Variants in LGR6 observed in about 807,000 individuals in gnomAD.
The protein encoded by LGR6 is leucine-rich repeat-containing G protein-coupled receptor 6.
In LGR6, 45 loss-of-function variants were observed where a neutral mutation model predicts 69.4. The observed-to-expected ratio is 0.65, with a 90% confidence interval of 0.51 to 0.83. The LOEUF (loss-of-function observed/expected upper bound fraction) is 0.83, where lower values mean the gene tolerates loss of function less well. LGR6 is among the 40% of genes least tolerant of loss of function. The pLI is 0.00. For missense variants in LGR6, 1,108 were observed against 1,246.7 expected (o/e 0.89, Z 1.68); for synonymous variants, 538 against 555.0 (o/e 0.97, Z 0.43).
intron 1 of LGR6, among the ~76,000 whole-genome samples, chr1:202,201,414 C>G (rs1658830845): frequency 6.6e-6 from 1 of 152,206 alleles, no homozygotes; most frequent in East Asian, 1.9e-4. Flanking sequence ...GAAGTGCGCT[C>G]AAGCACTTTA....
At chr1:202,204,617 CCTCCTTCAA>C (rs1659011123) in intron 1 of LGR6, among the ~76,000 whole-genome samples, 1 of 49,104 alleles carries the variant, frequency 2.0e-5, no homozygotes, top group African/African-American at 8.3e-5. Context: ...CAAACACACA[CCTCCTTCAA>C]ACACACACAC....
At chr1:202,272,764 C>G (rs1665209349) in intron 4 of LGR6, among the ~76,000 whole-genome samples, 1 of 152,264 alleles carries the variant, frequency 6.6e-6, no homozygotes, top group Admixed American at 6.5e-5. Context: ...ATGTGGCCAG[C>G]AAACGTGTGT....
chr1:202,302,562 T>C (rs1460608900), intron 9 of LGR6, among the ~76,000 whole-genome samples: 1 of 152,172 alleles, frequency 6.6e-6, no homozygotes, highest in Non-Finnish European at 1.5e-5. Context: ...CTTTTTTCTT[T>C]TTTAGACAGG....
chr1:202,307,834 G>C (rs75937868), intron 14 of LGR6, among the ~76,000 whole-genome samples: 3 of 152,200 alleles, frequency 2.0e-5, no homozygotes, highest in Non-Finnish European at 4.4e-5. Context: ...TGAGGCAGCA[G>C]GGGACCTCAG....
rs998726485 is a variant in LGR6 at position 202,261,040 on chromosome 1, T to C, written c.429-15266T>C. Among the ~76,000 whole-genome samples, 8 of 151,922 alleles carry C rather than the reference T, an allele frequency of 5.3e-5. No homozygotes were observed. The East Asian group carries it at 5.8e-4, about 11-fold the overall frequency. ...GTTTGCTTGGGATACAATAAACATC[T>C]TAAATCTACACTATTCTTTCAGCTC... On this transcript the variant is annotated intron_variant, in intron 4 of 17. Coordinates refer to ENST00000367278, the MANE Select transcript of LGR6 (RefSeq NM_001017403.2).
chr1:202,318,396 G>A lies in LGR6; in HGVS notation c.2093G>A (p.Gly698Glu), dbSNP rs772626430. ...AGVLGCLALA[G>E]LAAALPLASV... ...GTCCTAGGCTGCCTGGCACTGGCAGGGCTGGCCGCCGCGCTGCCCCTGGCC... is the reference window on the plus strand; with the variant it reads ...GTCCTAGGCTGCCTGGCACTGGCAGAGCTGGCCGCCGCGCTGCCCCTGGCC... The change falls in exon 18 of 18, where the codon GGG becomes GAG. Residue 698 changes from glycine to glutamate, a missense_variant. Coordinates refer to ENST00000367278, the MANE Select transcript of LGR6 (RefSeq NM_001017403.2). The A allele has an allele frequency of 4.8e-5, 77 of 1,604,516 alleles. No homozygotes were observed. Among genetic ancestry groups the A allele is most frequent in the Non-Finnish European group, 6.2e-5 (73 of 1,175,824 alleles).
At chr1:202,225,598 T>C in intron 2 of LGR6, 104 bp downstream of exon 2, 1 of 1,004,440 alleles carries the variant, frequency 1.0e-6, no homozygotes, top group Middle Eastern at 2.3e-4. Context: ...GAAAGGGGCT[T>C]GGGAAGCTAA....
At chr1:202,277,084 A>G (rs961959439) in intron 5 of LGR6, among the ~76,000 whole-genome samples, 3 of 152,210 alleles carry the variant, frequency 2.0e-5, no homozygotes, top group African/African-American at 7.2e-5. Flanking sequence ...TTAGAGGGCA[A>G]ATTAGCTCCC....
chr1:202,302,887 T>G (rs574700631), intron 9 of LGR6, among the ~76,000 whole-genome samples: 1 of 152,216 alleles, frequency 6.6e-6, no homozygotes, highest in Non-Finnish European at 1.5e-5. Context: ...AGATGACAAT[T>G]TAGGGGTGAC....
intron 12 of LGR6, 194 bp from the exon 13 acceptor site, chr1:202,306,674 C>A: frequency 1.5e-6 from 1 of 647,738 alleles, no homozygotes; most frequent in Non-Finnish European, 2.8e-6. Flanking sequence ...GGCTTTGTCT[C>A]CTGACCCACT....
chr1:202,204,639 CCAAA>C (rs1268520201), intron 1 of LGR6, among the ~76,000 whole-genome samples: 149 of 92,912 alleles, frequency 1.6e-3, no homozygotes, highest in African/African-American at 5.6e-3. Context: ...ACACACACCT[CCAAA>C]CACACACACA....
intron 9 of LGR6, among the ~76,000 whole-genome samples, chr1:202,302,821 A>G (rs1667705586): frequency 6.6e-6 from 1 of 152,174 alleles, no homozygotes; most frequent in Non-Finnish European, 1.5e-5. Context: ...TGCTGGGATT[A>G]CAGGTGTGAG....
At chr1:202,243,480 T>A (rs1436783939) in intron 4 of LGR6, among the ~76,000 whole-genome samples, 4 of 152,148 alleles carry the variant, frequency 2.6e-5, no homozygotes, top group Admixed American at 2.6e-4. Flanking sequence ...TGAAGAGCAT[T>A]AAGACATTTC....
In LGR6 at chr1:202,276,290, T is replaced by C; in HGVS notation, c.429-16T>C. 6.2e-7 allele frequency: 1 copy of C among 1,608,230 alleles called. No individual in the cohort carries two copies. Among genetic ancestry groups the C allele is most frequent in the Non-Finnish European group, 8.5e-7 (1 of 1,175,784 alleles). The stretch of plus-strand genomic sequence containing the variant: ...CTTGCCCTGGATTGACCCCTCTCCA[T>C]CCTCTCTTCCACCAGGCGCCTAGAT... On this transcript the variant is annotated splice_polypyrimidine_tract_variant and intron_variant, in intron 4 of 17. Transcript: ENST00000367278.
intron 6 of LGR6, among the ~76,000 whole-genome samples, chr1:202,284,050 AAGTCATTTG>A (rs1200467963): frequency 5.9e-5 from 9 of 152,032 alleles, no homozygotes; most frequent in African/African-American, 2.2e-4. Flanking sequence ...CAGCAAATCC[AAGTCATTTG>A]GGCAGGGTTC....
At chr1:202,285,933 A>G (rs1042463500) in intron 6 of LGR6, among the ~76,000 whole-genome samples, 7 of 152,194 alleles carry the variant, frequency 4.6e-5, no homozygotes, top group Non-Finnish European at 2.9e-5. Flanking sequence ...CTCTCACCTC[A>G]CTTCTGGTGT....
intron 14 of LGR6, 63 bp from the exon 15 acceptor site, chr1:202,308,988 C>T (rs1572015157): frequency 5.0e-6 from 8 of 1,594,050 alleles, no homozygotes; most frequent in South Asian, 1.1e-5. Flanking sequence ...ACATTCTCAG[C>T]ACAGCCCTGC....
rs751639575 is a variant in LGR6, at chr1:202,225,450, G to A, written c.240G>A (p.Glu80=). 2 of 1,613,994 alleles carry A rather than the reference G, an allele frequency of 1.2e-6. No homozygotes were observed. The highest frequency in any genetic ancestry group is 2.2e-5 in the South Asian group (2 of 91,068). ...YLDLSMNNLT[E]LQPGLFHHLR... is the part of the protein sequence containing the mutation. ...ACCTCAGCATGAACAACCTCACAGA[G>A]CTTCAGCCTGGCCTCTTCCACCACC... Residue 80 remains glutamate, a synonymous_variant, in exon 2 of 18, where the codon GAG becomes GAA. Transcript: ENST00000367278.
At chr1:202,309,821 T>G (rs1214885054) in intron 15 of LGR6, among the ~76,000 whole-genome samples, 1 of 152,154 alleles carries the variant, frequency 6.6e-6, no homozygotes, top group Non-Finnish European at 1.5e-5. Flanking sequence ...GCCTTAAATA[T>G]AAAAGAGGAG....
Sources: gnomAD v4.1 joint callset for allele counts (sites outside exome capture counted in the v4.1 genomes callset) on GRCh38, gnomAD v4.1.1 for gene constraint, MANE v1.5 for transcripts, NCBI Gene and HGNC (gene_info 2026-07-23, HGNC 2026-07-21) for gene names.